LHFPL4: variants seen among roughly 807,000 people sequenced by gnomAD.
The protein encoded by LHFPL4 is LHFPL tetraspan subfamily member 4.
In LHFPL4, 6 loss-of-function variants were observed where a neutral mutation model predicts 20.0. That is an observed-to-expected ratio of 0.30 (90% CI 0.16 to 0.59). The LOEUF (loss-of-function observed/expected upper bound fraction) is 0.59, where lower values mean the gene tolerates loss of function less well. Among genes scored for constraint, LHFPL4 ranks in the 20% least tolerant of loss-of-function variants. LHFPL4 has a pLI of 0.88. For synonymous variants in LHFPL4, 129 were observed against 143.8 expected (o/e 0.90, Z 0.74); for missense variants, 215 against 331.2 (o/e 0.65, Z 2.72).
Position 9,505,958 on chromosome 3 carries a change from C to T in LHFPL4, c.643+9G>A. On this transcript the variant is annotated intron_variant, in intron 3 of 3. Coordinates refer to ENST00000287585, the MANE Select transcript of LHFPL4 (RefSeq NM_198560.3). ...CCCGCCGCTGCCCCCCAGCCCACAG[C>T]ACACTCGCCTTTGTTCTCCGGCTTG... 2 of 1,613,642 alleles carry T rather than the reference C, an allele frequency of 1.2e-6. No individual in the cohort carries two copies. The highest frequency in any genetic ancestry group is 2.2e-5 in the South Asian group (2 of 91,058).
intron 2 of LHFPL4, among the ~76,000 whole-genome samples, chr3:9,513,977 C>T (rs1456794561): frequency 6.6e-6 from 1 of 152,128 alleles, no homozygotes; most frequent in Non-Finnish European, 1.5e-5. Context: ...AGGATGAATA[C>T]AAGGGTGTTC....
Position 9,506,315 on chromosome 3 carries a change from A to G in LHFPL4, c.407-112T>C. On this transcript the variant is annotated intron_variant, in intron 2 of 3. Coordinates refer to ENST00000287585, the MANE Select transcript of LHFPL4 (RefSeq NM_198560.3). The surrounding 1 kb of genome is among the most constrained non-coding windows in gnomAD (Gnocchi z 4.5). Reference sequence around the variant, plus strand: ...ACCCTATTGAGGGCACATCAACCCAACCACGTGCTTGTTACCCACTTCCAC... The same window carrying G: ...ACCCTATTGAGGGCACATCAACCCAGCCACGTGCTTGTTACCCACTTCCAC... 1 of 782,542 alleles carries G rather than the reference A, an allele frequency of 1.3e-6. No homozygotes were observed. The highest frequency in any genetic ancestry group is 2.2e-6 in the Non-Finnish European group (1 of 460,562). The allele number at this position is 782,542 out of a possible 1,614,324, so 48.5% of individuals were successfully genotyped here.
At chr3:9,504,086 C>A (rs561474400) in intron 3 of LHFPL4, among the ~76,000 whole-genome samples, 30 of 152,230 alleles carry the variant, frequency 2.0e-4, no homozygotes, top group African/African-American at 7.2e-4. Flanking sequence ...ATAACTATAA[C>A]TCAGCCGGGT....
chr3:9,522,246 G>A (rs1158974234), intron 2 of LHFPL4, among the ~76,000 whole-genome samples: 10 of 151,700 alleles, frequency 6.6e-5, no homozygotes, highest in East Asian at 2.0e-4. Context: ...TGCCCGCCTT[G>A]GCCTCCCAAA....
rs2046150529 is a variant in LHFPL4, at chr3:9,498,898, G to A, written c.*3313C>T. The A allele has an allele frequency of 6.6e-6, 1 of 152,562 alleles. No individual in the cohort carries two copies. The highest frequency in any genetic ancestry group is 2.4e-5 in the African/African-American group (1 of 41,410). The allele number at this position is 152,562 out of a possible 1,614,324, so 9.5% of individuals were successfully genotyped here. A position where few individuals can be genotyped will look rare whatever the true frequency, so the allele number is the denominator to read the frequency against. The stretch of plus-strand genomic sequence containing the variant: ...CCCCCTCAGGAAAGTTTTCCTTCAT[G>A]GGTACCGGTCCCCAAAGACGAAAGT... On this transcript the variant is annotated 3_prime_UTR_variant, in exon 4 of 4. Coordinates refer to ENST00000287585, the MANE Select transcript of LHFPL4 (RefSeq NM_198560.3).
chr3:9,540,098 G>A (rs971529085), intron 2 of LHFPL4, among the ~76,000 whole-genome samples: 4 of 151,800 alleles, frequency 2.6e-5, no homozygotes, highest in African/African-American at 7.3e-5. Flanking sequence ...CCCCTTCTAG[G>A]GCTTTATCCT....
intron 2 of LHFPL4, among the ~76,000 whole-genome samples, chr3:9,515,330 G>A (rs2046292327): frequency 6.6e-6 from 1 of 152,184 alleles, no homozygotes; most frequent in East Asian, 1.9e-4. Flanking sequence ...TTTGCCCAAT[G>A]TTTAATTAGG....
chr3:9,523,662 G>A lies in LHFPL4; in HGVS notation c.407-17459C>T, dbSNP rs371023236. ...TAATTTTTGTATTTTTAGTATAGACGGGGTTTTACCATGTTGGCCAGGCTG... is the reference window on the plus strand; with the variant it reads ...TAATTTTTGTATTTTTAGTATAGACAGGGTTTTACCATGTTGGCCAGGCTG... On this transcript the variant is annotated intron_variant, in intron 2 of 3. Transcript: ENST00000287585. 3.3e-4 allele frequency among the ~76,000 whole-genome samples: 50 copies of A among 151,790 alleles called. No homozygotes were observed. The East Asian group carries it at 6.5e-3, about 20-fold the overall frequency.
At chr3:9,552,198 T>C in intron 2 of LHFPL4, 76 bp downstream of exon 2, 2 of 1,519,698 alleles carry the variant, frequency 1.3e-6, no homozygotes, top group Middle Eastern at 1.8e-4. Context: ...TCCGACTCCT[T>C]CAGGAAGGGG....
intron 2 of LHFPL4, among the ~76,000 whole-genome samples, chr3:9,515,436 C>T (rs2046293063): frequency 1.3e-5 from 2 of 152,066 alleles, no homozygotes; most frequent in South Asian, 4.1e-4. Context: ...TTCAGGGGTG[C>T]AGTCTCAGCT....
At chr3:9,510,663 C>T (rs899157554) in intron 2 of LHFPL4, among the ~76,000 whole-genome samples, 4 of 151,668 alleles carry the variant, frequency 2.6e-5, no homozygotes, top group African/African-American at 7.3e-5. Context: ...AGTGGCCCGG[C>T]GCGATGGCTC....
At chr3:9,504,240 A>G (rs567878705) in intron 3 of LHFPL4, among the ~76,000 whole-genome samples, 44 of 151,306 alleles carry the variant, frequency 2.9e-4, no homozygotes, top group Middle Eastern at 6.8e-3. Flanking sequence ...GTGTGGTGGC[A>G]ACATGCCTGT....
In LHFPL4 at chr3:9,552,383, C is replaced by A; in HGVS notation, c.297G>T (p.Val99=). 1 of 1,613,988 alleles carries A rather than the reference C, an allele frequency of 6.2e-7. No individual in the cohort carries two copies. The highest frequency in any genetic ancestry group is 1.1e-5 in the South Asian group (1 of 91,084). Residue 99 remains valine (V), a synonymous_variant, in exon 2 of 4, where the codon GTG becomes GTT. Transcript: ENST00000287585. ...SSAFKAAAFF[V]LLSMVLILGC... ...CGAGGATCAGCACCATGGAGAGCAG[C>A]ACGAAGAAGGCGGCCGCCTTGAAGG...
chr3:9,507,444 G>A (rs985630202), intron 2 of LHFPL4, among the ~76,000 whole-genome samples: 2 of 152,246 alleles, frequency 1.3e-5, no homozygotes, highest in African/African-American at 2.4e-5. Context: ...GTATCCTCAA[G>A]TGGTTGTAAA....
intron 2 of LHFPL4, among the ~76,000 whole-genome samples, chr3:9,531,118 G>A (rs946680954): frequency 2.6e-5 from 4 of 152,142 alleles, no homozygotes; most frequent in East Asian, 1.9e-4. Flanking sequence ...TTACATGGGC[G>A]CAGTTCATGG....
At chr3:9,530,059 G>T (rs2046399860) in intron 2 of LHFPL4, among the ~76,000 whole-genome samples, 1 of 152,054 alleles carries the variant, frequency 6.6e-6, no homozygotes, top group Admixed American at 6.5e-5. Context: ...GTGGAATAGA[G>T]TTAGCATAAT....
At chr3:9,503,948 C>T (rs1421211540) in intron 3 of LHFPL4, among the ~76,000 whole-genome samples, 1 of 152,128 alleles carries the variant, frequency 6.6e-6, no homozygotes, top group Non-Finnish European at 1.5e-5. Flanking sequence ...ATCGCTTAAG[C>T]CCAGGAGTTT....
chr3:9,541,417 G>A lies in LHFPL4; in HGVS notation c.406+10857C>T. ...AACCTTGGTGCTGGGAAACTGAATA[G>A]CCACATGCAAAAGAATGATGTTGGA... On this transcript the variant is annotated intron_variant, in intron 2 of 3. Coordinates refer to ENST00000287585, the MANE Select transcript of LHFPL4 (RefSeq NM_198560.3). Among the ~76,000 whole-genome samples, 2 of 152,188 alleles carry A rather than the reference G, an allele frequency of 1.3e-5. 1 individual carries two copies. Among genetic ancestry groups the A allele is most frequent in the Non-Finnish European group, 2.9e-5 (2 of 68,042 alleles).
At chr3:9,508,239 C>G (rs1029715769) in intron 2 of LHFPL4, among the ~76,000 whole-genome samples, 1 of 152,188 alleles carries the variant, frequency 6.6e-6, no homozygotes, top group Non-Finnish European at 1.5e-5. Context: ...CGTGGCACTG[C>G]CAGATTCCAG....
Sources: allele counts gnomAD v4.1 joint callset (sites outside exome capture counted in the v4.1 genomes callset), GRCh38; gene constraint gnomAD v4.1.1; non-coding constraint Gnocchi (gnomAD v3.1); transcripts MANE v1.5; gene names NCBI Gene and HGNC (gene_info 2026-07-23, HGNC 2026-07-21).